Variants in RBPMS observed in about 807,000 individuals in gnomAD.
The protein encoded by RBPMS is RNA binding protein, mRNA processing factor.
In RBPMS, 7 loss-of-function variants were observed where a neutral mutation model predicts 26.8. That is an observed-to-expected ratio of 0.26 (90% CI 0.15 to 0.49). The LOEUF (loss-of-function observed/expected upper bound fraction) is 0.49. RBPMS is among the 20% of genes least tolerant of loss of function. The pLI, the probability that RBPMS is intolerant of heterozygous loss-of-function variation, is 0.98. For synonymous variants in RBPMS, 96 were observed against 93.3 expected, an observed-to-expected ratio of 1.03 and a Z score of -0.17; for missense variants, 186 against 250.0, an observed-to-expected ratio of 0.74 and a Z score of 1.73.
rs971380684 is a variant in RBPMS at position 30,557,128 on chromosome 8, C to T, written c.529-1759C>T. Among the ~76,000 whole-genome samples, 5 of 152,300 alleles carry T rather than the reference C, an allele frequency of 3.3e-5. No individual in the cohort carries two copies. In the South Asian group the frequency reaches 8.3e-4, roughly 25 times the overall value. On this transcript the variant is annotated intron_variant, in intron 6 of 8. Coordinates refer to ENST00000397323, the MANE Select transcript of RBPMS (RefSeq NM_001008710.3). ...ACCCTGCTCTAGCTGGTCATCTGAT[C>T]GCTGGTCATATCTGGCATGGTCGCC... is the stretch of plus-strand genomic sequence containing the variant.
intron 1 of RBPMS, among the ~76,000 whole-genome samples, chr8:30,451,682 T>C (rs1483965603): frequency 6.6e-6 from 1 of 152,174 alleles, no homozygotes; most frequent in Non-Finnish European, 1.5e-5. Context: ...GTGATGGATA[T>C]ACTGCTAAGA....
intron 1 of RBPMS, among the ~76,000 whole-genome samples, chr8:30,410,273 C>G (rs1056385449): frequency 6.6e-6 from 1 of 152,054 alleles, no homozygotes; most frequent in Non-Finnish European, 1.5e-5. Flanking sequence ...GTGGTACAAT[C>G]TCCGCTCCCT....
At chr8:30,499,728 T>A (rs1331627352) in intron 4 of RBPMS, among the ~76,000 whole-genome samples, 1 of 152,212 alleles carries the variant, frequency 6.6e-6, no homozygotes, top group Non-Finnish European at 1.5e-5. Context: ...ACTAAAGTGA[T>A]GACAACTAAG....
At chr8:30,544,075 G>A (rs867588544) in intron 5 of RBPMS, among the ~76,000 whole-genome samples, 5 of 152,202 alleles carry the variant, frequency 3.3e-5, no homozygotes, top group South Asian at 2.1e-4. Flanking sequence ...AGGCCCTGCC[G>A]TTAAGCCATG....
At chr8:30,409,196 C>A (rs77188224) in intron 1 of RBPMS, among the ~76,000 whole-genome samples, 6 of 143,082 alleles carry the variant, frequency 4.2e-5, no homozygotes, top group Admixed American at 2.8e-4. Context: ...AGCGTTTTCT[C>A]TTTTTTTTTT....
rs757527131 is a variant in RBPMS at position 30,555,850 on chromosome 8, A to G, written c.529-3037A>G. The G allele has an allele frequency of 2.7e-5, 27 of 984,136 alleles. No homozygotes were observed. The African/African-American group carries it at 3.7e-4, about 13-fold the overall frequency. 61.0% of individuals were successfully genotyped at this position (984,136 alleles called of 1,614,324 possible). On this transcript the variant is annotated intron_variant, in intron 6 of 8. Coordinates refer to ENST00000397323, the MANE Select transcript of RBPMS (RefSeq NM_001008710.3). ...CAGAACAAGCAGCCCGAATGGGGCT[A>G]AGAGAGAACCCTCTCCTCATTACCC...
chr8:30,458,501 A>G (rs1268912550), intron 1 of RBPMS, among the ~76,000 whole-genome samples: 1 of 152,172 alleles, frequency 6.6e-6, no homozygotes, highest in Non-Finnish European at 1.5e-5. Context: ...ATTCAAACCC[A>G]GGCAGTCTGG....
intron 1 of RBPMS, among the ~76,000 whole-genome samples, chr8:30,436,569 G>A (rs1479713815): frequency 6.6e-6 from 1 of 152,096 alleles, no homozygotes; most frequent in Non-Finnish European, 1.5e-5. Flanking sequence ...CTTGTGCTCT[G>A]AGCATAGCTG....
chr8:30,560,602 G>T (rs1456278852), intron 7 of RBPMS, among the ~76,000 whole-genome samples: 4 of 152,128 alleles, frequency 2.6e-5, no homozygotes, highest in African/African-American at 9.7e-5. Context: ...ATTCGAGTGT[G>T]GCCAAATAAT....
rs150843182 is a variant in RBPMS at position 30,437,747 on chromosome 8, C to A, written c.67-37032C>A. On this transcript the variant is annotated intron_variant, in intron 1 of 8. Coordinates refer to ENST00000397323, the MANE Select transcript of RBPMS (RefSeq NM_001008710.3). ...TGGAGGTTGCAGTGAGCCCAGATCACGCCACTGCACTCCAGCCTGGGTGAC... is the reference window on the plus strand; with the variant it reads ...TGGAGGTTGCAGTGAGCCCAGATCAAGCCACTGCACTCCAGCCTGGGTGAC... 7.7e-3 allele frequency among the ~76,000 whole-genome samples: 1,150 copies of A among 148,548 alleles called. 15 individuals carry two copies. The highest frequency in any genetic ancestry group is 0.026 in the African/African-American group (1,061 of 40,138).
intron 4 of RBPMS, among the ~76,000 whole-genome samples, chr8:30,498,341 T>C (rs1820198712): frequency 6.6e-6 from 1 of 152,138 alleles, no homozygotes; most frequent in African/African-American, 2.4e-5. Context: ...TCCTCAGCTT[T>C]TAGTCAATAT....
rs186845493 is a variant in RBPMS at position 30,434,628 on chromosome 8, G to T, written c.67-40151G>T. Among the ~76,000 whole-genome samples, 372 of 151,378 alleles carry T rather than the reference G, an allele frequency of 2.5e-3. 3 individuals are homozygous for T. Among genetic ancestry groups the T allele is most frequent in the Non-Finnish European group, 4.5e-3 (305 of 67,824 alleles). On this transcript the variant is annotated intron_variant, in intron 1 of 8. Coordinates refer to ENST00000397323, the MANE Select transcript of RBPMS (RefSeq NM_001008710.3). ...CTGAGGCAGGACAGTCACTTGAACCGGGATGGCGGCCACTGCTGGGAGCGG... is the reference window on the plus strand; with the variant it reads ...CTGAGGCAGGACAGTCACTTGAACCTGGATGGCGGCCACTGCTGGGAGCGG...
At chr8:30,544,408 G>A in intron 5 of RBPMS, 86 bp from the exon 6 acceptor site, 2 of 1,318,966 alleles carry the variant, frequency 1.5e-6, no homozygotes, top group Non-Finnish European at 2.2e-6. Flanking sequence ...CAGTGATTGG[G>A]GCTCGGGGTT....
At chr8:30,466,489 T>C (rs967042437) in intron 1 of RBPMS, among the ~76,000 whole-genome samples, 1 of 152,114 alleles carries the variant, frequency 6.6e-6, no homozygotes, top group Non-Finnish European at 1.5e-5. Context: ...TAGGCTGCAG[T>C]GAGCTATGAT....
chr8:30,456,285 C>CA (rs1413273265), intron 1 of RBPMS, among the ~76,000 whole-genome samples: 3 of 151,820 alleles, frequency 2.0e-5, no homozygotes, highest in Admixed American at 1.3e-4. Context: ...GATATTTGGG[C>CA]AAAAAAATGA....
chr8:30,569,652 T>C (rs951941884), intron 8 of RBPMS, among the ~76,000 whole-genome samples: 2 of 151,970 alleles, frequency 1.3e-5, no homozygotes, highest in Non-Finnish European at 2.9e-5. Flanking sequence ...CAAAGCAAAG[T>C]AGATGAAGAT....
chr8:30,388,410 T>C (rs916487969), intron 1 of RBPMS, among the ~76,000 whole-genome samples: 59 of 149,212 alleles, frequency 4.0e-4, no homozygotes, highest in African/African-American at 1.4e-3. Flanking sequence ...TTATAACTTA[T>C]AGCTATAGCT....
At position 30,504,288 on chromosome 8, in the gene RBPMS, C is replaced by T. The variant is rs1820865448; in HGVS notation, c.249C>T (p.Gly83=). 1.2e-6 allele frequency: 2 copies of T among 1,614,100 alleles called. No homozygotes were observed. Among genetic ancestry groups the T allele is most frequent in the East Asian group, 2.2e-5 (1 of 44,884 alleles). Residue 83 remains glycine (G), a splice_region_variant and synonymous_variant, in exon 5 of 9, where the codon GGC becomes GGT. Transcript: ENST00000397323. ...CCATTTGTTCTCTGTTTCCAAAGGGCATCCGCTTCGATCCTGAAATTCCGC... is the reference window on the plus strand; with the variant it reads ...CCATTTGTTCTCTGTTTCCAAAGGGTATCCGCTTCGATCCTGAAATTCCGC... ...EAEAAKNALN[G]IRFDPEIPQT...
chr8:30,427,647 T>G (rs1259764564), intron 1 of RBPMS, among the ~76,000 whole-genome samples: 1 of 152,224 alleles, frequency 6.6e-6, no homozygotes, highest in African/African-American at 2.4e-5. Context: ...TTTATGTGTT[T>G]GGCAGACTCC....
Sources: gnomAD v4.1 joint callset for allele counts (sites outside exome capture counted in the v4.1 genomes callset) on GRCh38, gnomAD v4.1.1 for gene constraint, MANE v1.5 for transcripts, NCBI Gene and HGNC (gene_info 2026-07-23, HGNC 2026-07-21) for gene names.